Variants in EPYC observed in about 807,000 individuals in gnomAD.
EPYC encodes epiphycan.
A neutral mutation model predicts 30.1 loss-of-function variants in EPYC; 28 were observed. That is an observed-to-expected ratio of 0.93 (90% CI 0.69 to 1.28). The LOEUF (loss-of-function observed/expected upper bound fraction) is 1.28, where lower values mean the gene tolerates loss of function less well. EPYC is among the 50% of genes most tolerant of loss of function. The pLI, the probability that EPYC is intolerant of heterozygous loss-of-function variation, is 0.00. For synonymous variants in EPYC, 144 were observed against 141.4 expected (o/e 1.02, Z -0.13); for missense variants, 382 against 383.5 (o/e 1.00, Z 0.03).
At chr12:90,965,753 C>T (rs754828426) in intron 6 of EPYC, among the ~76,000 whole-genome samples, 29 of 151,970 alleles carry the variant, frequency 1.9e-4, no homozygotes, top group Non-Finnish European at 3.8e-4. Context: ...CGTAAGTCTT[C>T]TGATTCATGA....
At position 90,974,502 on chromosome 12, in the gene EPYC, G is replaced by A. The variant is rs186565826; in HGVS notation, c.341-1522C>T. 1.9e-3 allele frequency among the ~76,000 whole-genome samples: 296 copies of A among 152,100 alleles called. 1 individual carries two copies. Among genetic ancestry groups the A allele is most frequent in the Non-Finnish European group, 3.0e-3 (203 of 67,972 alleles). Reference sequence around the variant, plus strand: ...TATGCTTGGGGTTTGTTTGATGAAGGGAGTGATTAACATGGAAGGAATTTG... The same window carrying A: ...TATGCTTGGGGTTTGTTTGATGAAGAGAGTGATTAACATGGAAGGAATTTG... On this transcript the variant is annotated intron_variant, in intron 3 of 6. Coordinates refer to ENST00000261172, the MANE Select transcript of EPYC (RefSeq NM_004950.5).
chr12:90,971,976 A>C lies in EPYC; in HGVS notation c.526T>G (p.Ser176Ala). ...LSDLKRIDLT[S>A]NLISEIDEDA... is the part of the protein sequence containing the mutation. ...TCATCAATCTCAGATATTAAATTTG[A>C]TGTCAGATCAATCCTTTTTAAATCA... Residue 176 changes from serine (S) to alanine (A), a missense_variant, in exon 5 of 7, where the codon TCA becomes GCA. Physicochemically the swap from Ser to Ala is moderately conservative, Grantham distance 99 (BLOSUM62 1). Transcript: ENST00000261172. 1 of 1,599,494 alleles carries C rather than the reference A, an allele frequency of 6.3e-7. No homozygotes were observed. The highest frequency in any genetic ancestry group is 8.5e-7 in the Non-Finnish European group (1 of 1,171,754).
chr12:90,964,772 C>G (rs1876854131), intron 6 of EPYC, among the ~76,000 whole-genome samples: 1 of 152,066 alleles, frequency 6.6e-6, no homozygotes, highest in South Asian at 2.1e-4. Context: ...GAATGCTCCT[C>G]CCTCAACATT....
At chr12:90,975,831 G>A (rs1168178682) in intron 3 of EPYC, among the ~76,000 whole-genome samples, 1 of 151,888 alleles carries the variant, frequency 6.6e-6, no homozygotes, top group Admixed American at 6.6e-5. Context: ...TTTTCTACTT[G>A]TAGAGTGTTC....
intron 2 of EPYC, among the ~76,000 whole-genome samples, 190 bp downstream of exon 2, chr12:91,002,211 A>AAAAG (rs1555216339): frequency 1.4e-5 from 2 of 140,288 alleles, no homozygotes. Flanking sequence ...AAAAAAAAAA[A>AAAAG]GGGCAAAAGA....
chr12:90,997,164 G>A (rs1049666263), intron 2 of EPYC, among the ~76,000 whole-genome samples: 19 of 151,940 alleles, frequency 1.3e-4, no homozygotes, highest in Non-Finnish European at 2.9e-5. Context: ...CATTGTAAAT[G>A]CCCTCCATGT....
chr12:90,975,087 T>C (rs1426542360), intron 3 of EPYC, among the ~76,000 whole-genome samples: 2 of 152,134 alleles, frequency 1.3e-5, no homozygotes, highest in Admixed American at 6.6e-5. Flanking sequence ...AAGGTCTTAT[T>C]ACTATCATTA....
chr12:90,977,575 T>C (rs576304849), intron 3 of EPYC, among the ~76,000 whole-genome samples: 1 of 152,106 alleles, frequency 6.6e-6, no homozygotes, highest in East Asian at 1.9e-4. Context: ...TGAATTATGG[T>C]TTTCTCCATG....
At chr12:90,978,060 A>C in intron 3 of EPYC, 28 bp downstream of exon 3, 1 of 1,523,724 alleles carries the variant, frequency 6.6e-7, no homozygotes, top group East Asian at 2.5e-5. Context: ...AGTGGACTCA[A>C]TTGTAATTCT....
At chr12:90,989,974 T>C (rs1170134673) in intron 2 of EPYC, among the ~76,000 whole-genome samples, 1 of 152,054 alleles carries the variant, frequency 6.6e-6, no homozygotes, top group East Asian at 1.9e-4. Flanking sequence ...TCATATTCCC[T>C]ACCCCCTTAT....
At chr12:90,986,284 A>G (rs1049430144) in intron 2 of EPYC, among the ~76,000 whole-genome samples, 2 of 152,088 alleles carry the variant, frequency 1.3e-5, no homozygotes, top group Non-Finnish European at 2.9e-5. Flanking sequence ...ATATCCCTTA[A>G]GGCCTGAAGC....
At chr12:91,003,214 C>A (rs1426491871) in intron 1 of EPYC, among the ~76,000 whole-genome samples, 1 of 152,018 alleles carries the variant, frequency 6.6e-6, no homozygotes, top group African/African-American at 2.4e-5. Flanking sequence ...TTCTTTGTAG[C>A]CTCTGGACAT....
chr12:90,978,285 A>T (rs746529132), intron 2 of EPYC, 23 bp from the exon 3 acceptor site: 34 of 1,563,982 alleles, frequency 2.2e-5, no homozygotes, highest in Non-Finnish European at 2.8e-5. Flanking sequence ...AAAAAAAGAG[A>T]ATTTCTTCAG....
In EPYC at chr12:90,964,218, G is replaced by C; in HGVS notation, c.907C>G (p.Leu303Val). ...DIRLDGNPIN[L>V]SKTPQAYMCL... is the part of the protein sequence containing the mutation. ...ATGTATGCTTGAGGAGTTTTGCTGAGATTAATAGGGTTTCCATCCAATCGA... is the reference window on the plus strand; with the variant it reads ...ATGTATGCTTGAGGAGTTTTGCTGACATTAATAGGGTTTCCATCCAATCGA... Residue 303 changes from leucine to valine, a missense_variant, in exon 7 of 7, where the codon CTC becomes GTC. Physicochemically the swap from Leu to Val is conservative, Grantham distance 32. Transcript: ENST00000261172. 1.2e-6 allele frequency: 2 copies of C among 1,613,708 alleles called. No individual in the cohort carries two copies. The highest frequency in any genetic ancestry group is 1.7e-6 in the Non-Finnish European group (2 of 1,179,732).
chr12:90,993,952 A>C (rs927862252), intron 2 of EPYC, among the ~76,000 whole-genome samples: 6 of 152,292 alleles, frequency 3.9e-5, no homozygotes, highest in Non-Finnish European at 5.9e-5. Flanking sequence ...ATTCAAGAAC[A>C]TCATTTCTCA....
intron 6 of EPYC, among the ~76,000 whole-genome samples, chr12:90,969,171 G>A (rs1204536173): frequency 6.6e-6 from 1 of 151,806 alleles, no homozygotes; most frequent in African/African-American, 2.4e-5. Flanking sequence ...TTCATGTCCA[G>A]CTCTTAAATA....
chr12:90,974,992 A>G (rs1592624417), intron 3 of EPYC, among the ~76,000 whole-genome samples: 1 of 152,112 alleles, frequency 6.6e-6, no homozygotes, highest in Admixed American at 6.6e-5. Context: ...GGAACTCATC[A>G]CACCCAGACA....
At chr12:90,989,962 G>A (rs1369687614) in intron 2 of EPYC, among the ~76,000 whole-genome samples, 1 of 152,030 alleles carries the variant, frequency 6.6e-6, no homozygotes, top group Non-Finnish European at 1.5e-5. Flanking sequence ...AGCAAAGTCA[G>A]TTCATATTCC....
intron 6 of EPYC, among the ~76,000 whole-genome samples, chr12:90,965,631 T>C (rs1419782088): frequency 6.6e-6 from 1 of 152,152 alleles, no homozygotes; most frequent in East Asian, 1.9e-4. Flanking sequence ...ATTGATTTTA[T>C]AACCTATAAC....
Sources: gnomAD v4.1 joint callset for allele counts (sites outside exome capture counted in the v4.1 genomes callset) on GRCh38, gnomAD v4.1.1 for gene constraint, MANE v1.5 for transcripts, NCBI Gene and HGNC (gene_info 2026-07-23, HGNC 2026-07-21) for gene names.